The following SLC50A1 variants were observed in gnomAD, a reference collection of about 807,000 sequenced individuals.
SLC50A1 encodes sugar transporter SWEET1.
Under a neutral mutation model 28.9 loss-of-function variants are expected in SLC50A1, and 22 were observed. That is an observed-to-expected ratio of 0.76 (90% confidence interval 0.54 to 1.09). The LOEUF (loss-of-function observed/expected upper bound fraction) is 1.09, where lower values mean the gene tolerates loss of function less well. Among genes scored for constraint, SLC50A1 ranks in the 50% least tolerant of loss-of-function variants. SLC50A1 has a pLI of 0.00. For synonymous variants in SLC50A1, 96 were observed against 110.6 expected (o/e 0.87, Z 0.83); for missense variants, 233 against 273.4 (o/e 0.85, Z 1.04).
In SLC50A1 at chr1:155,137,624, T is replaced by C. The variant is rs1485868433; in HGVS notation, c.346T>C (p.Trp116Arg). 1.9e-6 allele frequency: 3 copies of C among 1,614,092 alleles called. No individual in the cohort carries two copies. Among genetic ancestry groups the C allele is most frequent in the Non-Finnish European group, 2.5e-6 (3 of 1,180,034 alleles). The change falls in exon 4 of 6, where the codon TGG becomes CGG. Residue 116 changes from tryptophan (W) to arginine (R), a missense_variant. Coordinates refer to ENST00000368404, the MANE Select transcript of SLC50A1 (RefSeq NM_018845.4). ...CCTTCTCCTGGGTTATGGCTACTTT[T>C]GGCTCCTGGTACCCAACCCTGAGGC... ...GVLLLGYGYF[W>R]LLVPNPEARL...
rs1038630190 is a variant in SLC50A1, at chr1:155,137,494, G to A, written c.283-67G>A. ...CCCATTGGAGCACTGGAGAAGGCAG[G>A]ATGAATTAACTCTAGCAGGGAAGTC... On this transcript the variant is annotated intron_variant, in intron 3 of 5. Coordinates refer to ENST00000368404, the MANE Select transcript of SLC50A1 (RefSeq NM_018845.4). 1.9e-6 allele frequency: 3 copies of A among 1,591,930 alleles called. No homozygotes were observed. The African/African-American group carries it at 4.0e-5, about 21-fold the overall frequency.
upstream of SLC50A1, chr1:155,135,692 G>A (rs578238556): frequency 5.0e-5 from 78 of 1,550,198 alleles, no homozygotes; most frequent in Non-Finnish European, 6.5e-5. Flanking sequence ...TCTGGACCAG[G>A]GTACTGGGAA....
chr1:155,135,859 G>T lies in SLC50A1; in HGVS notation c.-53G>T. On this transcript the variant is annotated 5_prime_UTR_variant, in exon 1 of 6. Transcript: ENST00000368404. ...GCAGGTCTGGGCTGCAGTAGGTCCC[G>T]GCAACCGCAGGCTCGCGGCGGGCGC... 1 of 1,610,594 alleles carries T rather than the reference G, an allele frequency of 6.2e-7. No homozygotes were observed. The highest frequency in any genetic ancestry group is 8.5e-7 in the Non-Finnish European group (1 of 1,178,658).
chr1:155,135,576 G>A, upstream of SLC50A1: 2 of 1,546,642 alleles, frequency 1.3e-6, no homozygotes, highest in South Asian at 2.4e-5. Flanking sequence ...GTTGAGACTG[G>A]GGGCGTCTAG....
intron 2 of SLC50A1, 72 bp from the exon 3 acceptor site, chr1:155,136,752 AAAAG>A (rs1237500703): frequency 1.7e-5 from 26 of 1,561,916 alleles, no homozygotes; most frequent in Non-Finnish European, 2.2e-5. Flanking sequence ...CAAAAAAAAA[AAAAG>A]AGTGAAAGAC....
chr1:155,136,132 G>C (rs1664441470), intron 1 of SLC50A1, 141 bp downstream of exon 1: 1 of 1,114,152 alleles, frequency 9.0e-7, no homozygotes, highest in Admixed American at 2.1e-5. Flanking sequence ...GGGGTACAAG[G>C]GCGAGGCTGG....
chr1:155,135,878 C>A lies in SLC50A1; in HGVS notation c.-34C>A, dbSNP rs764090956. On this transcript the variant is annotated 5_prime_UTR_variant, in exon 1 of 6. Transcript: ENST00000368404. ...GGTCCCGGCAACCGCAGGCTCGCGG[C>A]GGGCGCTGGGCGCGGGATCCGACTC... 2 of 1,601,648 alleles carry A rather than the reference C, an allele frequency of 1.2e-6. No homozygotes were observed. The highest frequency in any genetic ancestry group is 1.7e-6 in the Non-Finnish European group (2 of 1,175,418).
chr1:155,136,336 G>A lies in SLC50A1; in HGVS notation c.118G>A (p.Asp40Asn), dbSNP rs748870797. ...LRHMRMTRSV[D>N]NVQFLPFLTT... is the part of the protein sequence containing the mutation. ...GCACATGCGAATGACCCGGAGTGTG[G>A]ACAACGTCCAGTTCCTGCCCTTTCT... The change falls in exon 2 of 6, where the codon GAC (aspartate) becomes AAC (asparagine). Residue 40 changes from aspartate (D) to asparagine (N), a missense_variant. Physicochemically the swap from Asp to Asn is conservative, Grantham distance 23. Coordinates refer to ENST00000368404, the MANE Select transcript of SLC50A1 (RefSeq NM_018845.4). 1 of 1,612,328 alleles carries A rather than the reference G, an allele frequency of 6.2e-7. No homozygotes were observed. The highest frequency in any genetic ancestry group is 8.5e-7 in the Non-Finnish European group (1 of 1,179,326).
chr1:155,136,399 A>G, intron 2 of SLC50A1, 23 bp downstream of exon 2: 1 of 1,530,320 alleles, frequency 6.5e-7, no homozygotes, highest in Non-Finnish European at 9.0e-7. Context: ...CGGCTGCGGT[A>G]GTGGGAAAGG....
chr1:155,135,528 C>G (rs544035414), upstream of SLC50A1: 436 of 1,456,682 alleles, frequency 3.0e-4, 5 homozygotes, highest in South Asian at 5.3e-3. Flanking sequence ...GTTTGGAGGT[C>G]CACCGCCGAA....
Position 155,136,922 on chromosome 1 carries a change from T to A in SLC50A1, c.253T>A (p.Leu85Met). The A allele has an allele frequency of 6.2e-7, 1 of 1,614,192 alleles. No individual in the cohort carries two copies. Among genetic ancestry groups the A allele is most frequent in the Non-Finnish European group, 8.5e-7 (1 of 1,180,018 alleles). ...TGCTGCGCTTCAGACCCTGTATATC[T>A]TGGCATATCTGCATTACTGCCCTCG... ...VGAALQTLYI[L>M]AYLHYCPRKR... is the part of the protein sequence containing the mutation. Residue 85 changes from leucine (L) to methionine (M), a missense_variant, in exon 3 of 6, where the codon TTG (leucine) becomes ATG (methionine). Physicochemically the swap from Leu to Met is conservative, Grantham distance 15. Coordinates refer to ENST00000368404, the MANE Select transcript of SLC50A1 (RefSeq NM_018845.4).
At position 155,136,552 on chromosome 1, in the gene SLC50A1, G is replaced by A. The variant is rs972510573; in HGVS notation, c.158+176G>A. Reference sequence around the variant, plus strand: ...AGGTCAGGAGATCCAGACCATCCTGGCTAACACGGTGAAACCCCGTCTCTA... The same window carrying A: ...AGGTCAGGAGATCCAGACCATCCTGACTAACACGGTGAAACCCCGTCTCTA... On this transcript the variant is annotated intron_variant, in intron 2 of 5. Coordinates refer to ENST00000368404, the MANE Select transcript of SLC50A1 (RefSeq NM_018845.4). The A allele has an allele frequency of 1.5e-4, 103 of 704,488 alleles. No individual in the cohort carries two copies. The East Asian group carries it at 2.8e-3, about 19-fold the overall frequency. 43.6% of individuals were successfully genotyped at this position (704,488 alleles called of 1,614,324 possible). A position where few individuals can be genotyped will look rare whatever the true frequency, so the allele number is the denominator to read the frequency against.
chr1:155,137,821 T>C, intron 4 of SLC50A1, 99 bp downstream of exon 4: 1 of 1,580,680 alleles, frequency 6.3e-7, no homozygotes, highest in Non-Finnish European at 8.6e-7. Context: ...ATCCAAACCC[T>C]GGAAGAAGAC....
chr1:155,136,610 C>G (rs911452303), intron 2 of SLC50A1: 8 of 719,090 alleles, frequency 1.1e-5, no homozygotes, highest in South Asian at 1.9e-5. Flanking sequence ...GGGCGTGGTG[C>G]CGGGCGCCTG....
intron 3 of SLC50A1, among the ~76,000 whole-genome samples, chr1:155,137,282 C>T (rs1049275599): frequency 3.9e-5 from 6 of 152,224 alleles, no homozygotes; most frequent in East Asian, 1.9e-4. Context: ...ATTAGCTCTG[C>T]GTCCCTGCTA....
At chr1:155,136,466 G>C (rs1043727923) in intron 2 of SLC50A1, 90 bp downstream of exon 2, 1 of 1,272,366 alleles carries the variant, frequency 7.9e-7, no homozygotes, top group Non-Finnish European at 1.1e-6. Flanking sequence ...AGGTTTGGCC[G>C]GGCGCGGTGG....
At chr1:155,137,139 C>A (rs1664536085) in intron 3 of SLC50A1, 188 bp downstream of exon 3, 2 of 743,970 alleles carry the variant, frequency 2.7e-6, no homozygotes, top group Non-Finnish European at 2.1e-6. Flanking sequence ...CCCATTTAGG[C>A]AAGGCTGGTA....
chr1:155,135,671 C>G, upstream of SLC50A1: 2 of 1,550,388 alleles, frequency 1.3e-6, no homozygotes, highest in Non-Finnish European at 1.7e-6. Context: ...CTGACCGGGA[C>G]ATGGAAGAGG....
At chr1:155,135,632 G>C (rs1410669747), upstream of SLC50A1, 2 of 1,550,258 alleles carry the variant, frequency 1.3e-6, no homozygotes, top group African/African-American at 1.4e-5. Context: ...AGGTATCGGG[G>C]ACACACCCGC....
Sources: gnomAD v4.1 joint callset for allele counts (sites outside exome capture counted in the v4.1 genomes callset) on GRCh38, gnomAD v4.1.1 for gene constraint, MANE v1.5 for transcripts, NCBI Gene and HGNC (gene_info 2026-07-23, HGNC 2026-07-21) for gene names.